Variants in ST6GAL1 observed in about 807,000 individuals in gnomAD.
ST6GAL1 encodes the protein beta-galactoside alpha-2,6-sialyltransferase 1.
Under a neutral mutation model 38.0 loss-of-function variants are expected in ST6GAL1, and 20 were observed. That is an observed-to-expected ratio of 0.53 (90% confidence interval 0.37 to 0.77). ST6GAL1 has a LOEUF of 0.77. ST6GAL1 is among the 30% of genes least tolerant of loss of function. ST6GAL1 has a pLI of 0.00. For missense variants in ST6GAL1, 432 were observed against 496.4 expected (o/e 0.87, Z 1.23); for synonymous variants, 196 against 188.2 (o/e 1.04, Z -0.34).
rs751297612 is a variant in ST6GAL1, at chr3:187,043,234, G to C, written c.531G>C (p.Lys177Asn). Reference protein sequence around the residue: ...GYLPKESIRTKAGPWGRCAVV... With the variant: ...GYLPKESIRTNAGPWGRCAVV... Reference sequence around the variant, plus strand: ...TGCCCAAGGAGAGCATTAGGACCAAGGCTGGGCCTTGGGGCAGGTGTGCTG... The same window carrying C: ...TGCCCAAGGAGAGCATTAGGACCAACGCTGGGCCTTGGGGCAGGTGTGCTG... The change falls in exon 4 of 8, where the codon AAG (lysine) becomes AAC (asparagine). Residue 177 changes from lysine (K) to asparagine (N), a missense_variant. Coordinates refer to ENST00000169298, the MANE Select transcript of ST6GAL1 (RefSeq NM_173216.2). The C allele has an allele frequency of 8.1e-6, 13 of 1,614,128 alleles. No homozygotes were observed. The highest frequency in any genetic ancestry group is 9.3e-6 in the Non-Finnish European group (11 of 1,180,040).
At chr3:187,055,622 G>A (rs58320546) in intron 5 of ST6GAL1, among the ~76,000 whole-genome samples, 13,572 of 152,220 alleles carry the variant, frequency 0.089, 2,055 homozygotes, top group African/African-American at 0.31. Context: ...AGTTTTGAGT[G>A]AGTTTCTTAA....
intron 5 of ST6GAL1, among the ~76,000 whole-genome samples, chr3:187,067,081 C>CTTTTTTTTTTTTTTTTTTTTT (rs763013682): frequency 5.4e-5 from 5 of 93,036 alleles, no homozygotes; most frequent in Admixed American, 2.4e-4. Flanking sequence ...TTCTTTCTTT[C>CTTTTTTTTTTTTTTTTTTTTT]TTTTTTTTTT....
chr3:186,974,075 T>C (rs1277998196), intron 2 of ST6GAL1, among the ~76,000 whole-genome samples: 1 of 152,216 alleles, frequency 6.6e-6, no homozygotes, highest in African/African-American at 2.4e-5. Flanking sequence ...AGCCAGTGGA[T>C]AGATACTTCC....
intron 2 of ST6GAL1, among the ~76,000 whole-genome samples, chr3:187,008,933 T>G (rs1716869676): frequency 6.6e-6 from 1 of 152,214 alleles, no homozygotes; most frequent in Non-Finnish European, 1.5e-5. Context: ...GATTTGAGGT[T>G]GTTTCAGGTT....
chr3:186,931,864 TG>T (rs1367631277), intron 1 of ST6GAL1, among the ~76,000 whole-genome samples: 7 of 152,384 alleles, frequency 4.6e-5, no homozygotes, highest in African/African-American at 1.7e-4. Flanking sequence ...TGAGTTTATT[TG>T]AAAGAAATTC....
At chr3:187,016,782 C>G (rs1717130258) in intron 2 of ST6GAL1, among the ~76,000 whole-genome samples, 1 of 152,142 alleles carries the variant, frequency 6.6e-6, no homozygotes, top group Non-Finnish European at 1.5e-5. Flanking sequence ...CTGGCCTTGG[C>G]CTGGGATTGC....
chr3:187,009,376 T>C (rs1716883572), intron 2 of ST6GAL1, among the ~76,000 whole-genome samples: 1 of 152,214 alleles, frequency 6.6e-6, no homozygotes, highest in African/African-American at 2.4e-5. Flanking sequence ...AATAAAACAT[T>C]ATTGACCCTG....
intron 2 of ST6GAL1, among the ~76,000 whole-genome samples, chr3:187,004,171 C>A (rs1426327760): frequency 6.6e-6 from 1 of 152,224 alleles, no homozygotes; most frequent in Non-Finnish European, 1.5e-5. Flanking sequence ...TTCTGCTTCA[C>A]CTTCCACCAT....
intron 2 of ST6GAL1, among the ~76,000 whole-genome samples, chr3:187,016,303 A>G (rs1329892682): frequency 1.3e-5 from 2 of 152,180 alleles, no homozygotes; most frequent in Admixed American, 1.3e-4. Context: ...GGCAGTGCTA[A>G]AAAGGAGACA....
Position 187,055,048 on chromosome 3 carries a change from T to G in ST6GAL1, c.705+3702T>G, listed in dbSNP as rs1213287564. Among the ~76,000 whole-genome samples, 5 of 152,292 alleles carry G rather than the reference T, an allele frequency of 3.3e-5. No individual in the cohort carries two copies. The South Asian group carries it at 8.3e-4, about 25-fold the overall frequency. On this transcript the variant is annotated intron_variant, in intron 5 of 7. Coordinates refer to ENST00000169298, the MANE Select transcript of ST6GAL1 (RefSeq NM_173216.2). ...TGGGAGGGTGTATGTGTCCAGGAAT[T>G]TATCCATTTCTTCTAGATTTTCTAG...
At chr3:187,000,883 T>G (rs1414458432) in intron 2 of ST6GAL1, among the ~76,000 whole-genome samples, 1 of 152,228 alleles carries the variant, frequency 6.6e-6, no homozygotes, top group Non-Finnish European at 1.5e-5. Flanking sequence ...GCATTGGGTG[T>G]GAAAATTTAC....
intron 5 of ST6GAL1, among the ~76,000 whole-genome samples, chr3:187,061,757 T>G (rs937382691): frequency 1.3e-5 from 2 of 152,076 alleles, no homozygotes; most frequent in African/African-American, 4.8e-5. Context: ...CCAAAAACTA[T>G]AAAACTCTTA....
intron 2 of ST6GAL1, among the ~76,000 whole-genome samples, chr3:186,981,404 G>A (rs1715694346): frequency 6.6e-6 from 1 of 152,170 alleles, no homozygotes; most frequent in Admixed American, 6.5e-5. Context: ...ACAACCTCAG[G>A]CTAACGGCCT....
chr3:187,041,696 G>A (rs1322335696), intron 3 of ST6GAL1, among the ~76,000 whole-genome samples: 1 of 152,136 alleles, frequency 6.6e-6, no homozygotes, highest in African/African-American at 2.4e-5. Context: ...GTGAGCTTGG[G>A]CACTTCCCTT....
chr3:186,990,072 C>T (rs558526860), intron 2 of ST6GAL1, among the ~76,000 whole-genome samples: 13 of 152,356 alleles, frequency 8.5e-5, no homozygotes, highest in Non-Finnish European at 1.6e-4. Flanking sequence ...CTTGCTCTGT[C>T]GCCCTGGCTG....
At chr3:186,974,741 C>T (rs1468686884) in intron 2 of ST6GAL1, among the ~76,000 whole-genome samples, 1 of 151,590 alleles carries the variant, frequency 6.6e-6, no homozygotes, top group African/African-American at 2.4e-5. Context: ...GGGGGGCGCC[C>T]ACAGCAGGGT....
At chr3:186,947,228 A>G (rs779782661) in intron 1 of ST6GAL1, among the ~76,000 whole-genome samples, 1 of 152,202 alleles carries the variant, frequency 6.6e-6, no homozygotes, top group African/African-American at 2.4e-5. Flanking sequence ...AGGTACAATT[A>G]TCTCTACTGT....
intron 5 of ST6GAL1, chr3:187,072,547 C>A (rs894083514): frequency 7.0e-5 from 26 of 368,986 alleles, no homozygotes; most frequent in Non-Finnish European, 1.3e-4. Context: ...GCTGTGACTC[C>A]AGGAGGCTGG....
chr3:187,065,211 A>G (rs257100), intron 5 of ST6GAL1, among the ~76,000 whole-genome samples: 124,059 of 151,932 alleles, frequency 0.82, 50,843 homozygotes, highest in African/African-American at 0.87. Flanking sequence ...TGTTTGCCAG[A>G]CTAGTCTCAA....
Sources: gnomAD v4.1 joint callset for allele counts (sites outside exome capture counted in the v4.1 genomes callset) on GRCh38, gnomAD v4.1.1 for gene constraint, MANE v1.5 for transcripts, NCBI Gene and HGNC (gene_info 2026-07-23, HGNC 2026-07-21) for gene names.